Variants in GREB1L observed in about 807,000 individuals in gnomAD.
GREB1L encodes GREB1 like retinoic acid receptor coactivator, also known as GREB1-like protein.
GREB1L carries 17 observed loss-of-function variants against 200.8 expected under a neutral mutation model. The observed-to-expected ratio is 0.08, with a 90% CI of 0.06 to 0.13. The LOEUF (loss-of-function observed/expected upper bound fraction) is 0.13. Among genes scored for constraint, GREB1L ranks in the 10% least tolerant of loss-of-function variants. The pLI, the probability that GREB1L is intolerant of heterozygous loss-of-function variation, is 1.00. For missense variants in GREB1L, 1,657 were observed against 2,367.7 expected (o/e 0.70, Z 6.23); for synonymous variants, 789 against 893.0 (o/e 0.88, Z 2.08).
intron 19 of GREB1L, among the ~76,000 whole-genome samples, chr18:21,494,787 T>C (rs2036482445): frequency 6.6e-6 from 1 of 152,204 alleles, no homozygotes; most frequent in African/African-American, 2.4e-5. Context: ...AACCACCTTA[T>C]CTACTTAAGA....
intron 5 of GREB1L, among the ~76,000 whole-genome samples, chr18:21,396,109 A>AACC: frequency 1.5e-5 from 2 of 136,276 alleles, no homozygotes; most frequent in South Asian, 4.8e-4. Context: ...CAGTGGCATG[A>AACC]TCTCGGCTCA....
chr18:21,336,671 G>A (rs2039190144), intron 1 of GREB1L, among the ~76,000 whole-genome samples: 1 of 152,106 alleles, frequency 6.6e-6, no homozygotes, highest in Non-Finnish European at 1.5e-5. Context: ...TACTTAATGG[G>A]ACTAATTTTC....
chr18:21,275,443 A>G (rs931128439), intron 1 of GREB1L, among the ~76,000 whole-genome samples: 6 of 151,982 alleles, frequency 3.9e-5, no homozygotes, highest in Admixed American at 2.6e-4. Context: ...GTAGCAGTAT[A>G]TATAATAAAC....
intron 16 of GREB1L, among the ~76,000 whole-genome samples, chr18:21,474,287 C>G (rs1276618950): frequency 6.6e-6 from 1 of 152,126 alleles, no homozygotes; most frequent in Non-Finnish European, 1.5e-5. Context: ...TAGTTACTTC[C>G]TAGATAGAAT....
chr18:21,508,761 T>A (rs902375130), intron 27 of GREB1L, 170 bp downstream of exon 27: 5 of 638,930 alleles, frequency 7.8e-6, no homozygotes, highest in African/African-American at 1.9e-5. Context: ...TGAATTTGAG[T>A]TTTCTTTTTC....
At chr18:21,329,684 A>C (rs1267803940) in intron 1 of GREB1L, among the ~76,000 whole-genome samples, 3 of 152,064 alleles carry the variant, frequency 2.0e-5, no homozygotes, top group African/African-American at 7.2e-5. Context: ...CCTTGACGAG[A>C]TGCCTTATGA....
At chr18:21,465,489 T>C (rs1354185862) in intron 15 of GREB1L, among the ~76,000 whole-genome samples, 2 of 152,180 alleles carry the variant, frequency 1.3e-5, no homozygotes, top group Non-Finnish European at 2.9e-5. Flanking sequence ...TGATATACGT[T>C]ACTTATTTCC....
chr18:21,425,733 G>A (rs1248924491), intron 7 of GREB1L, among the ~76,000 whole-genome samples: 2 of 151,940 alleles, frequency 1.3e-5, no homozygotes, highest in Admixed American at 6.6e-5. Context: ...TTTTCAGTTG[G>A]GTTGACTCTT....
At chr18:21,320,596 T>C (rs2038935944) in intron 1 of GREB1L, among the ~76,000 whole-genome samples, 1 of 151,978 alleles carries the variant, frequency 6.6e-6, no homozygotes, top group Non-Finnish European at 1.5e-5. Flanking sequence ...ACCCCGTCTC[T>C]AGTAAAAATA....
At chr18:21,522,318 A>G (rs548937389) in intron 32 of GREB1L, among the ~76,000 whole-genome samples, 25 of 151,038 alleles carry the variant, frequency 1.7e-4, no homozygotes, top group Non-Finnish European at 3.3e-4. Flanking sequence ...TAAAATACAA[A>G]AAAAAATTAG....
At position 21,518,074 on chromosome 18, in the gene GREB1L, T is replaced by C; in HGVS notation, c.5312T>C (p.Ile1771Thr). Reference sequence around the variant, plus strand: ...GCACCCATCTTGCCCCTTCAATACATCTGTGCTCCCGACAGTGAACACACA... The same window carrying C: ...GCACCCATCTTGCCCCTTCAATACACCTGTGCTCCCGACAGTGAACACACA... ...SLAPILPLQY[I>T]CAPDSEHTLL... The change falls in exon 31 of 33, where the codon ATC becomes ACC. Residue 1771 changes from isoleucine to threonine, a missense_variant. This residue lies in a region of GREB1L where 190 missense variants were observed against 230.2 expected (regional missense o/e 0.83). Coordinates refer to ENST00000424526, the MANE Select transcript of GREB1L (RefSeq NM_001142966.3). 1 of 1,551,684 alleles carries C rather than the reference T, an allele frequency of 6.4e-7. No homozygotes were observed.
chr18:21,253,307 C>T (rs2037743817), intron 1 of GREB1L, among the ~76,000 whole-genome samples: 2 of 143,610 alleles, frequency 1.4e-5, no homozygotes, highest in East Asian at 4.1e-4. Context: ...GGCTGGAATG[C>T]AATGGCACGA....
At chr18:21,272,860 T>G (rs998078980) in intron 1 of GREB1L, among the ~76,000 whole-genome samples, 1 of 152,228 alleles carries the variant, frequency 6.6e-6, no homozygotes, top group Admixed American at 6.5e-5. Context: ...AGAGTAAAAC[T>G]TCAGACTAAA....
intron 7 of GREB1L, among the ~76,000 whole-genome samples, chr18:21,423,569 G>A (rs1427745580): frequency 2.0e-5 from 3 of 152,162 alleles, no homozygotes; most frequent in African/African-American, 7.2e-5. Flanking sequence ...CTGAAGAATG[G>A]GAGGCTCAGA....
At chr18:21,258,971 C>CAA (rs2037846371) in intron 1 of GREB1L, among the ~76,000 whole-genome samples, 1 of 152,094 alleles carries the variant, frequency 6.6e-6, no homozygotes, top group African/African-American at 2.4e-5. Context: ...TGTGACATTT[C>CAA]CTGTACAGTA....
intron 1 of GREB1L, among the ~76,000 whole-genome samples, chr18:21,278,517 C>T (rs2382975): frequency 6.6e-6 from 1 of 151,962 alleles, no homozygotes; most frequent in Admixed American, 6.5e-5. Flanking sequence ...ACTTTTGCTT[C>T]GTACCTGAAT....
chr18:21,384,542 T>C, intron 4 of GREB1L, 139 bp downstream of exon 4: 3 of 683,132 alleles, frequency 4.4e-6, no homozygotes, highest in Non-Finnish European at 7.4e-6. Flanking sequence ...TATGCTCTCA[T>C]TCACATTATC....
chr18:21,311,715 G>A (rs1217511171), intron 1 of GREB1L, among the ~76,000 whole-genome samples: 1 of 151,974 alleles, frequency 6.6e-6, no homozygotes, highest in East Asian at 1.9e-4. Context: ...GGCTATATTA[G>A]GTTTTGCCAT....
rs1283517296 is a variant in GREB1L, at chr18:21,259,604, T to C, written c.-120+17211T>C. ...AGGAAAATATTTATATAACATAATA[T>C]GTAAAGGTGTTTTTTGTCCTGTTTC... is the stretch of plus-strand genomic sequence containing the variant. On this transcript the variant is annotated intron_variant, in intron 1 of 32. Transcript: ENST00000424526. 7.2e-5 allele frequency among the ~76,000 whole-genome samples: 11 copies of C among 152,238 alleles called. No individual in the cohort carries two copies. The East Asian group carries it at 1.7e-3, about 24-fold the overall frequency.
Sources: allele counts gnomAD v4.1 joint callset (sites outside exome capture counted in the v4.1 genomes callset), GRCh38; gene constraint gnomAD v4.1.1; regional missense constraint gnomAD v4.1.1; transcripts MANE v1.5; gene names NCBI Gene and HGNC (gene_info 2026-07-23, HGNC 2026-07-21).